ZNF687: variants seen among roughly 807,000 people sequenced by gnomAD.
The protein encoded by ZNF687 is zinc finger protein 687.
Under a neutral mutation model 71.8 loss-of-function variants are expected in ZNF687, and 13 were observed. That is an observed-to-expected ratio of 0.18 (90% CI 0.12 to 0.29). The LOEUF (loss-of-function observed/expected upper bound fraction) is 0.29, where lower values mean the gene tolerates loss of function less well. Ranked by LOEUF, ZNF687 falls within the 10% of genes least tolerant of loss-of-function variation. ZNF687 has a pLI of 1.00. For missense variants in ZNF687, 1,412 were observed against 1,625.6 expected (o/e 0.87, Z 2.26); for synonymous variants, 673 against 641.6 (o/e 1.05, Z -0.74).
chr1:151,290,912 C>T lies in ZNF687; in HGVS notation c.3417C>T (p.Asp1139=), dbSNP rs774286373. The T allele has an allele frequency of 5.0e-6, 8 of 1,613,864 alleles. No homozygotes were observed. Among genetic ancestry groups the T allele is most frequent in the South Asian group, 4.4e-5 (4 of 91,092 alleles). The part of the protein sequence containing the change: ...RVEDGAQQCL[D]CGLCFASPGS... ...AGGATGGTGCCCAGCAGTGCCTCGA[C>T]TGTGGCTTGTGCTTTGCCTCCCCTG... Residue 1139 remains aspartate, a synonymous_variant, in exon 9 of 9, where the codon GAC becomes GAT. Transcript: ENST00000336715.
At position 151,286,694 on chromosome 1, in the gene ZNF687, C is replaced by G; in HGVS notation, c.403C>G (p.Pro135Ala). 2 of 1,614,170 alleles carry G rather than the reference C, an allele frequency of 1.2e-6. No homozygotes were observed. The highest frequency in any genetic ancestry group is 1.7e-6 in the Non-Finnish European group (2 of 1,180,010). The change falls in exon 2 of 9, where the codon CCA becomes GCA. Residue 135 changes from proline to alanine, a missense_variant. Pro to Ala is a conservative substitution (Grantham distance 27, BLOSUM62 -1). Transcript: ENST00000336715. ...NGFGSPEPSL[P>A]GTPHSPAPPS... ...TTTTGGGAGCCCTGAACCTTCCCTCCCAGGAACTCCCCACTCTCCTGCTCC... is the reference window on the plus strand; with the variant it reads ...TTTTGGGAGCCCTGAACCTTCCCTCGCAGGAACTCCCCACTCTCCTGCTCC...
chr1:151,290,698 C>T lies in ZNF687; in HGVS notation c.3220-17C>T, dbSNP rs587633505. 9.4e-6 allele frequency: 15 copies of T among 1,588,486 alleles called. No homozygotes were observed. In the South Asian group the frequency reaches 1.6e-4, roughly 17 times the overall value. Reference sequence around the variant, plus strand: ...TAGGGGTGGTGGTAAGGCCCAGTTTCTTCCACTTTTCTTCAGGGGCCAGGT... The same window carrying T: ...TAGGGGTGGTGGTAAGGCCCAGTTTTTTCCACTTTTCTTCAGGGGCCAGGT... On this transcript the variant is annotated splice_polypyrimidine_tract_variant and intron_variant, in intron 8 of 8. Coordinates refer to ENST00000336715, the MANE Select transcript of ZNF687 (RefSeq NM_020832.3).
At position 151,289,325 on chromosome 1, in the gene ZNF687, A is replaced by G; in HGVS notation, c.2472-53A>G. The G allele has an allele frequency of 4.3e-6, 7 of 1,612,954 alleles. No individual in the cohort carries two copies. The South Asian group carries it at 6.6e-5, about 15-fold the overall frequency. On this transcript the variant is annotated intron_variant, in intron 4 of 8. Transcript: ENST00000336715. The stretch of plus-strand genomic sequence containing the variant: ...CCAGGGAGGGCTGGTGGGGCGCAGG[A>G]GGGGAGGGGCTGCACCCAACCCTGC...
chr1:151,282,140 T>A, upstream of ZNF687: 1 of 1,209,962 alleles, frequency 8.3e-7, no homozygotes, highest in Non-Finnish European at 1.1e-6. Flanking sequence ...GCGGGGCTAG[T>A]TCCGAGCGGC....
chr1:151,283,940 T>G, intron 1 of ZNF687: 1 of 985,354 alleles, frequency 1.0e-6, no homozygotes, highest in Non-Finnish European at 1.2e-6. Flanking sequence ...AGGGATAGAC[T>G]CTTTAGTTGC....
chr1:151,289,429 C>T lies in ZNF687; in HGVS notation c.2523C>T (p.Leu841=). 1 of 1,614,198 alleles carries T rather than the reference C, an allele frequency of 6.2e-7. No individual in the cohort carries two copies. Among genetic ancestry groups the T allele is most frequent in the Non-Finnish European group, 8.5e-7 (1 of 1,180,054 alleles). ...MCDTVFTHKP[L]LSSHFDQHLL... ...ACACAGTCTTCACTCACAAACCCCT[C>T]CTCTCCTCACACTTCGACCAGCACT... The change falls in exon 5 of 9, where the codon CTC becomes CTT. Residue 841 remains leucine, a synonymous_variant. Transcript: ENST00000336715.
chr1:151,287,137 G>A lies in ZNF687; in HGVS notation c.846G>A (p.Gln282=), dbSNP rs758249015. The part of the protein sequence containing the change: ...PLASPKVPVC[Q]PLKEEDDDEG... ...CCTCCCCCAAAGTGCCCGTCTGTCA[G>A]CCCTTGAAGGAAGAAGATGATGATG... Residue 282 remains glutamine (Q), a synonymous_variant, in exon 2 of 9, where the codon CAG becomes CAA. Coordinates refer to ENST00000336715, the MANE Select transcript of ZNF687 (RefSeq NM_020832.3). This position sits in a 1 kb window ranked among gnomAD's most constrained non-coding sequence, Gnocchi z 5.0. 6.2e-7 allele frequency: 1 copy of A among 1,614,190 alleles called. No homozygotes were observed. Among genetic ancestry groups the A allele is most frequent in the African/African-American group, 1.3e-5 (1 of 75,060 alleles).
At position 151,286,372 on chromosome 1, in the gene ZNF687, C is replaced by T. The variant is rs1693945581; in HGVS notation, c.81C>T (p.Ile27=). ...CTGACATTGATGCGAATGAAGCCATCCATTCTGGGCCAGAAGAAAATGAGG... is the reference window on the plus strand; with the variant it reads ...CTGACATTGATGCGAATGAAGCCATTCATTCTGGGCCAGAAGAAAATGAGG... ...DIPDIDANEA[I]HSGPEENEGP... The change falls in exon 2 of 9, where the codon ATC becomes ATT. Residue 27 remains isoleucine, a synonymous_variant. Coordinates refer to ENST00000336715, the MANE Select transcript of ZNF687 (RefSeq NM_020832.3). The T allele has an allele frequency of 6.2e-7, 1 of 1,609,588 alleles. No homozygotes were observed. The highest frequency in any genetic ancestry group is 8.5e-7 in the Non-Finnish European group (1 of 1,178,856).
chr1:151,284,779 T>C (rs1693871313), intron 1 of ZNF687, among the ~76,000 whole-genome samples: 1 of 151,218 alleles, frequency 6.6e-6, no homozygotes, highest in South Asian at 2.1e-4. Flanking sequence ...CATAGATCAC[T>C]TGTGCTCTCT....
intron 1 of ZNF687, 111 bp downstream of exon 1, chr1:151,282,506 C>T (rs1693757720): frequency 6.1e-6 from 5 of 825,516 alleles, no homozygotes; most frequent in Non-Finnish European, 7.3e-6. Context: ...TCCGCGCCGC[C>T]CCCTGGGGCG....
chr1:151,289,149 C>G lies in ZNF687; in HGVS notation c.2349C>G (p.Ile783Met). The G allele has an allele frequency of 1.2e-6, 2 of 1,614,218 alleles. No homozygotes were observed. The highest frequency in any genetic ancestry group is 1.7e-6 in the Non-Finnish European group (2 of 1,180,034). Residue 783 changes from isoleucine (I) to methionine (M), a missense_variant, in exon 4 of 9, where the codon ATC becomes ATG. Physicochemically the swap from Ile to Met is conservative, Grantham distance 10. Coordinates refer to ENST00000336715, the MANE Select transcript of ZNF687 (RefSeq NM_020832.3). ...FGGVNSIKSHIQTSHCEVFHK... is the reference protein window; with the variant it reads ...FGGVNSIKSHMQTSHCEVFHK... ...GTGTGAACTCCATCAAGTCCCACAT[C>G]CAGACGTCGCACTGCGAGGTTTTCC...
intron 1 of ZNF687, 110 bp from the exon 2 acceptor site, chr1:151,286,165 G>A (rs1401533063): frequency 4.5e-6 from 4 of 881,450 alleles, no homozygotes; most frequent in Non-Finnish European, 1.7e-6. Context: ...ACCTAAGTTG[G>A]AGTGTATGTG....
chr1:151,282,661 C>G (rs1419334124), intron 1 of ZNF687, among the ~76,000 whole-genome samples: 2 of 152,182 alleles, frequency 1.3e-5, no homozygotes, highest in African/African-American at 2.4e-5. Context: ...TCGAGAGGCA[C>G]CCGAAGTGCG....
At position 151,287,655 on chromosome 1, in the gene ZNF687, G is replaced by A. The variant is rs755339101; in HGVS notation, c.1364G>A (p.Arg455Gln). ...CAAGCCCTGCCTAAGGCTGACGGGC[G>A]GGCAGGGCTGGGGACTGGGGGACAG... ...VPQALPKADG[R>Q]AGLGTGGQKV... The change falls in exon 2 of 9, where the codon CGG becomes CAG. Residue 455 changes from arginine to glutamine, a missense_variant. Physicochemically the swap from Arg to Gln is conservative, Grantham distance 43. This residue lies in a region of ZNF687 where 133 missense variants were observed against 155.1 expected (regional missense o/e 0.86). Coordinates refer to ENST00000336715, the MANE Select transcript of ZNF687 (RefSeq NM_020832.3). The surrounding 1 kb of genome is among the most constrained non-coding windows in gnomAD (Gnocchi z 5.0). The A allele has an allele frequency of 2.9e-5, 46 of 1,613,172 alleles. No individual in the cohort carries two copies. In the Admixed American group the frequency reaches 7.2e-4, roughly 25 times the overall value.
Position 151,290,893 on chromosome 1 carries a change from G to A in ZNF687, c.3398G>A (p.Gly1133Asp). 1 of 1,614,052 alleles carries A rather than the reference G, an allele frequency of 6.2e-7. No homozygotes were observed. Among genetic ancestry groups the A allele is most frequent in the Non-Finnish European group, 8.5e-7 (1 of 1,180,020 alleles). Residue 1133 changes from glycine (G) to aspartate (D), a missense_variant, in exon 9 of 9, where the codon GGT (glycine) becomes GAT (aspartate). Around this residue, in one of 8 missense-constraint regions of ZNF687, gnomAD observed 284 missense variants for 359.2 expected, o/e 0.79. Transcript: ENST00000336715. Reference sequence around the variant, plus strand: ...ATGATGGGGTTGAGGGTGGAGGATGGTGCCCAGCAGTGCCTCGACTGTGGC... The same window carrying A: ...ATGATGGGGTTGAGGGTGGAGGATGATGCCCAGCAGTGCCTCGACTGTGGC... ...SLMMGLRVEDGAQQCLDCGLC... is the reference protein window; with the variant it reads ...SLMMGLRVEDDAQQCLDCGLC...
chr1:151,286,723 C>T lies in ZNF687; in HGVS notation c.432C>T (p.Pro144=). 1.9e-6 allele frequency: 3 copies of T among 1,614,234 alleles called. No homozygotes were observed. Among genetic ancestry groups the T allele is most frequent in the Middle Eastern group, 1.6e-4 (1 of 6,062 alleles). The change falls in exon 2 of 9, where the codon CCC becomes CCT. Residue 144 remains proline, a synonymous_variant. Transcript: ENST00000336715. ...GAACTCCCCACTCTCCTGCTCCTCC[C>T]AGTGGGGGCACCTGGAAAGAAAAAG... ...LPGTPHSPAP[P]SGGTWKEKGM... is the part of the protein sequence containing the mutation.
intron 1 of ZNF687, among the ~76,000 whole-genome samples, chr1:151,284,612 C>A (rs1389739583): frequency 1.3e-5 from 2 of 152,068 alleles, no homozygotes; most frequent in African/African-American, 4.8e-5. Flanking sequence ...CTGACTCTTG[C>A]CTCCGACCCC....
chr1:151,283,706 C>A, intron 1 of ZNF687: 1 of 506,356 alleles, frequency 2.0e-6, no homozygotes, highest in Non-Finnish European at 2.5e-6. Context: ...GCTTAGGAGC[C>A]AGGCCTATAG....
chr1:151,290,519 C>T lies in ZNF687; in HGVS notation c.3165C>T (p.Ala1055=), dbSNP rs1157364540. 1.9e-6 allele frequency: 3 copies of T among 1,613,774 alleles called. No homozygotes were observed. The highest frequency in any genetic ancestry group is 3.3e-5 in the Admixed American group (2 of 60,006). Reference sequence around the variant, plus strand: ...TCCGGCACGGCTTGCAGCTTGGGGCCCAGTCCCCTGGCCGGGGGACCACCT... The same window carrying T: ...TCCGGCACGGCTTGCAGCTTGGGGCTCAGTCCCCTGGCCGGGGGACCACCT... ...VQVRHGLQLG[A]QSPGRGTTLA... Residue 1055 remains alanine, a synonymous_variant, in exon 8 of 9, where the codon GCC becomes GCT. Transcript: ENST00000336715.
Sources: allele counts gnomAD v4.1 joint callset (sites outside exome capture counted in the v4.1 genomes callset), GRCh38; gene constraint gnomAD v4.1.1; regional missense constraint gnomAD v4.1.1; non-coding constraint Gnocchi (gnomAD v3.1); transcripts MANE v1.5; gene names NCBI Gene and HGNC (gene_info 2026-07-23, HGNC 2026-07-21).